MAGI1: variants seen among roughly 807,000 people sequenced by gnomAD.
MAGI1 encodes membrane associated guanylate kinase, WW and PDZ domain containing 1, also known as membrane-associated guanylate kinase, WW and PDZ domain-containing protein 1.
In MAGI1, 58 loss-of-function variants were observed where a neutral mutation model predicts 139.9. The observed-to-expected ratio is 0.41, with a 90% CI of 0.34 to 0.52. MAGI1 has a LOEUF of 0.52. Among genes scored for constraint, MAGI1 ranks in the 20% least tolerant of loss-of-function variants. MAGI1 has a pLI of 0.12. For synonymous variants in MAGI1, 812 were observed against 737.9 expected (o/e 1.10, Z -1.63); for missense variants, 1,874 against 1,901.6 (o/e 0.99, Z 0.27).
At chr3:65,617,794 T>C (rs991623122) in intron 2 of MAGI1, among the ~76,000 whole-genome samples, 22 of 152,218 alleles carry the variant, frequency 1.4e-4, no homozygotes, top group Non-Finnish European at 2.4e-4. Context: ...AAAGAAAGAA[T>C]ATCTTTTTCC....
At chr3:65,357,466 T>C (rs1940285740) in intron 22 of MAGI1, among the ~76,000 whole-genome samples, 1 of 152,130 alleles carries the variant, frequency 6.6e-6, no homozygotes, top group Non-Finnish European at 1.5e-5. Context: ...TTCCTCTCTG[T>C]AGCTATCCCT....
At chr3:65,532,224 T>C (rs929584475) in intron 2 of MAGI1, among the ~76,000 whole-genome samples, 2 of 152,194 alleles carry the variant, frequency 1.3e-5, no homozygotes, top group Non-Finnish European at 2.9e-5. Flanking sequence ...TTTGAAAAAC[T>C]CTTAATAATG....
chr3:65,953,772 G>A (rs1263348109), intron 1 of MAGI1, among the ~76,000 whole-genome samples: 1 of 152,144 alleles, frequency 6.6e-6, no homozygotes, highest in Non-Finnish European at 1.5e-5. Flanking sequence ...CTGTAGCACC[G>A]AAAGTAAAAT....
At chr3:65,676,653 C>G (rs557224162) in intron 1 of MAGI1, among the ~76,000 whole-genome samples, 1 of 152,308 alleles carries the variant, frequency 6.6e-6, no homozygotes, top group South Asian at 2.1e-4. Context: ...GAGTTCCTGG[C>G]TAATCCGGTC....
Position 65,428,101 on chromosome 3 carries a change from G to T in MAGI1, c.2167+1419C>A, listed in dbSNP as rs545752173. Among the ~76,000 whole-genome samples the T allele has an allele frequency of 2.6e-5, 4 of 152,282 alleles. No homozygotes were observed. In the South Asian group the frequency reaches 8.3e-4, roughly 32 times the overall value. ...TTTGGGTTTCCTTCAAATGACCCCA[G>T]CCATTCTGATCGCAGAACACACAGG... On this transcript the variant is annotated intron_variant, in intron 12 of 22. Transcript: ENST00000402939.
chr3:65,859,957 G>A (rs1288400660), intron 1 of MAGI1, among the ~76,000 whole-genome samples: 10 of 151,090 alleles, frequency 6.6e-5, no homozygotes, highest in Non-Finnish European at 1.2e-4. Flanking sequence ...GGGCAATGGC[G>A]CGATCTCGGC....
chr3:65,812,933 A>G (rs1575586817), intron 1 of MAGI1, among the ~76,000 whole-genome samples: 1 of 148,370 alleles, frequency 6.7e-6, no homozygotes, highest in Non-Finnish European at 1.5e-5. Context: ...CTGGTCTCAA[A>G]CTCCTGACCT....
intron 2 of MAGI1, among the ~76,000 whole-genome samples, chr3:65,517,979 A>G (rs997874259): frequency 6.6e-6 from 1 of 152,228 alleles, no homozygotes; most frequent in Non-Finnish European, 1.5e-5. Context: ...TTAGATTTTT[A>G]AACAAAATTT....
chr3:65,510,000 AC>A (rs2077498348), intron 2 of MAGI1, among the ~76,000 whole-genome samples: 1 of 152,038 alleles, frequency 6.6e-6, no homozygotes, highest in Admixed American at 6.6e-5. Flanking sequence ...CTGACCCCTG[AC>A]CCCCGAGCAC....
Position 65,796,067 on chromosome 3 carries a change from A to AG in MAGI1, c.314-173980_314-173979insC, listed in dbSNP as rs1274005046. 2.1e-5 allele frequency among the ~76,000 whole-genome samples: 3 copies of AG among 141,468 alleles called. No homozygotes were observed. In the East Asian group the frequency reaches 6.0e-4, roughly 28 times the overall value. 92.8% of individuals were successfully genotyped at this position (141,468 alleles called of 152,430 possible). On this transcript the variant is annotated intron_variant, in intron 1 of 22. Transcript: ENST00000402939. ...CTCTGTCTCAAAAAAAAAAAAAAAA[A>AG]AAAGAAAAGAAAAGAAAAGAAATTG...
intron 5 of MAGI1, among the ~76,000 whole-genome samples, chr3:65,466,237 T>TA (rs1950165093): frequency 6.6e-6 from 1 of 152,218 alleles, no homozygotes; most frequent in East Asian, 1.9e-4. Context: ...ATCGCTGTGT[T>TA]AGTATCTACT....
intron 1 of MAGI1, among the ~76,000 whole-genome samples, chr3:65,888,360 G>T (rs1338996201): frequency 3.3e-5 from 5 of 152,180 alleles, no homozygotes; most frequent in Non-Finnish European, 7.3e-5. Flanking sequence ...AGAGCCAAGG[G>T]AAGTACTGAG....
At chr3:65,754,432 T>C (rs1482229006) in intron 1 of MAGI1, among the ~76,000 whole-genome samples, 1 of 152,204 alleles carries the variant, frequency 6.6e-6, no homozygotes, top group Non-Finnish European at 1.5e-5. Flanking sequence ...GCTCACTCAC[T>C]TGTTTTGGTC....
At chr3:65,472,633 C>T (rs1950619669) in intron 4 of MAGI1, among the ~76,000 whole-genome samples, 1 of 152,180 alleles carries the variant, frequency 6.6e-6, no homozygotes, top group African/African-American at 2.4e-5. Flanking sequence ...TGCCCTGCCG[C>T]CAATGAGCAG....
At chr3:65,697,235 G>A (rs1022519223) in intron 1 of MAGI1, among the ~76,000 whole-genome samples, 2 of 151,978 alleles carry the variant, frequency 1.3e-5, no homozygotes, top group African/African-American at 4.8e-5. Flanking sequence ...ATAATCAATA[G>A]TTTATCAACC....
intron 2 of MAGI1, among the ~76,000 whole-genome samples, chr3:65,496,135 G>A (rs73115974): frequency 0.23 from 34,759 of 151,812 alleles, 4,041 homozygotes; most frequent in South Asian, 0.32. Flanking sequence ...TTGAACTACT[G>A]GGCTCAAGAG....
intron 1 of MAGI1, among the ~76,000 whole-genome samples, chr3:65,914,670 G>A (rs983676275): frequency 1.3e-5 from 2 of 152,164 alleles, no homozygotes; most frequent in Admixed American, 6.5e-5. Context: ...CCTAATGTTC[G>A]ACAAATGCCT....
At chr3:65,706,962 C>T (rs1049430581) in intron 1 of MAGI1, among the ~76,000 whole-genome samples, 5 of 152,158 alleles carry the variant, frequency 3.3e-5, no homozygotes, top group African/African-American at 1.2e-4. Flanking sequence ...CAAAAAATGT[C>T]CATACCAAAA....
At chr3:65,596,935 T>G (rs903203142) in intron 2 of MAGI1, among the ~76,000 whole-genome samples, 2 of 152,186 alleles carry the variant, frequency 1.3e-5, no homozygotes, top group African/African-American at 4.8e-5. Flanking sequence ...ATGTACATTC[T>G]TCCTTTTAGA....
Sources: allele counts gnomAD v4.1 joint callset (sites outside exome capture counted in the v4.1 genomes callset), GRCh38; gene constraint gnomAD v4.1.1; transcripts MANE v1.5; gene names NCBI Gene and HGNC (gene_info 2026-07-23, HGNC 2026-07-21).